Variants in HDAC4 observed in about 807,000 individuals in gnomAD.
HDAC4 encodes the protein histone deacetylase A.
Under a neutral mutation model 135.1 loss-of-function variants are expected in HDAC4, and 16 were observed. The observed-to-expected ratio is 0.12, with a 90% CI of 0.08 to 0.18. HDAC4 has a LOEUF of 0.18. Among genes scored for constraint, HDAC4 ranks in the 10% least tolerant of loss-of-function variants. The pLI is 1.00. For missense variants in HDAC4, 1,143 were observed against 1,511.8 expected (o/e 0.76, Z 4.05); for synonymous variants, 685 against 653.4 (o/e 1.05, Z -0.74).
intron 16 of HDAC4, among the ~76,000 whole-genome samples, chr2:239,098,002 C>T (rs551801032): frequency 6.6e-6 from 1 of 152,368 alleles, no homozygotes; most frequent in Admixed American, 6.5e-5. Flanking sequence ...TCACAGTAGA[C>T]ACACGTGTCC....
intron 2 of HDAC4, among the ~76,000 whole-genome samples, chr2:239,246,007 C>A (rs1203217539): frequency 2.6e-5 from 4 of 152,194 alleles, no homozygotes; most frequent in Non-Finnish European, 5.9e-5. Flanking sequence ...TGGCTGCCTG[C>A]GTCCAGTCCC....
intron 20 of HDAC4, among the ~76,000 whole-genome samples, chr2:239,083,807 G>A (rs1221996412): frequency 6.6e-6 from 1 of 152,162 alleles, no homozygotes; most frequent in Admixed American, 6.5e-5. Context: ...CCAGGGTGAG[G>A]GTCCTCCCAG....
intron 3 of HDAC4, among the ~76,000 whole-genome samples, chr2:239,235,364 G>C (rs1229190442): frequency 6.6e-6 from 1 of 152,230 alleles, no homozygotes; most frequent in African/African-American, 2.4e-5. Context: ...GTTCAGCCTG[G>C]CTTCAAGCTG....
chr2:239,369,095 G>A (rs1037719020), intron 1 of HDAC4, among the ~76,000 whole-genome samples: 1 of 152,146 alleles, frequency 6.6e-6, no homozygotes, highest in Non-Finnish European at 1.5e-5. Flanking sequence ...CGCCGGCAGG[G>A]AGGAATCCTC....
At chr2:239,348,471 T>C (rs538683479) in intron 2 of HDAC4, among the ~76,000 whole-genome samples, 1 of 152,156 alleles carries the variant, frequency 6.6e-6, no homozygotes, top group South Asian at 2.1e-4. Context: ...GTCACCAGTA[T>C]CCTAAGCCCT....
At chr2:239,067,876 G>A (rs904368347) in intron 23 of HDAC4, among the ~76,000 whole-genome samples, 2 of 152,212 alleles carry the variant, frequency 1.3e-5, no homozygotes, top group African/African-American at 4.8e-5. Context: ...CAGGATGCTT[G>A]GGCCTCGGGA....
rs1399317628 is a variant in HDAC4, at chr2:239,214,375, C to G, written c.94+22218G>C. Among the ~76,000 whole-genome samples, 5 of 152,238 alleles carry G rather than the reference C, an allele frequency of 3.3e-5. No individual in the cohort carries two copies. The East Asian group carries it at 9.6e-4, about 29-fold the overall frequency. On this transcript the variant is annotated intron_variant, in intron 3 of 26. Transcript: ENST00000543185. ...AACCCTCGTGAAGACAAAGGGCCCA[C>G]CCTGATGATCCAGGACAACCTCCTC...
At chr2:239,151,390 TCACCAAGCGGGACAGC>T (rs2042109393) in intron 7 of HDAC4, among the ~76,000 whole-genome samples, 1 of 152,148 alleles carries the variant, frequency 6.6e-6, no homozygotes, top group Non-Finnish European at 1.5e-5. Context: ...GTGCTCTTCC[TCACCAAGCGGGACAGC>T]TTCCCCCCAA....
chr2:239,126,318 G>C, intron 12 of HDAC4, 138 bp downstream of exon 12: 2 of 1,414,608 alleles, frequency 1.4e-6, no homozygotes, highest in Non-Finnish European at 1.9e-6. Context: ...GTGGGCCAGA[G>C]CATGTGCCTC....
At chr2:239,056,568 C>T (rs939614621) in intron 24 of HDAC4, among the ~76,000 whole-genome samples, 3 of 152,166 alleles carry the variant, frequency 2.0e-5, no homozygotes, top group East Asian at 3.9e-4. Flanking sequence ...AGGAGTTCAC[C>T]GGGATATGAA....
chr2:239,330,057 C>T (rs1183843228), intron 2 of HDAC4, among the ~76,000 whole-genome samples: 1 of 152,244 alleles, frequency 6.6e-6, no homozygotes, highest in Non-Finnish European at 1.5e-5. Flanking sequence ...CAAGCTGCTG[C>T]TGCAGAGGCT....
chr2:239,388,548 TG>T (rs1268048943), intron 1 of HDAC4, among the ~76,000 whole-genome samples: 2 of 152,192 alleles, frequency 1.3e-5, no homozygotes, highest in Non-Finnish European at 2.9e-5. Flanking sequence ...CTGGGTGACC[TG>T]GGTGCCTGGC....
chr2:239,082,780 C>T (rs1448375750), intron 20 of HDAC4, among the ~76,000 whole-genome samples: 5 of 152,222 alleles, frequency 3.3e-5, no homozygotes, highest in East Asian at 1.9e-4. Flanking sequence ...TGGCAAGCAC[C>T]GTTTCTTAAT....
chr2:239,350,026 T>C (rs1693010980), intron 2 of HDAC4, among the ~76,000 whole-genome samples: 1 of 152,080 alleles, frequency 6.6e-6, no homozygotes, highest in Non-Finnish European at 1.5e-5. Context: ...CGGCTGAAAT[T>C]CCCACAGAAA....
At chr2:239,101,961 G>C (rs2037693479) in intron 16 of HDAC4, among the ~76,000 whole-genome samples, 2 of 148,580 alleles carry the variant, frequency 1.3e-5, no homozygotes, top group Non-Finnish European at 3.0e-5. Context: ...CCAGGGTCTG[G>C]GTTCTGTGTC....
intron 1 of HDAC4, among the ~76,000 whole-genome samples, chr2:239,383,797 G>A (rs1695590011): frequency 6.6e-6 from 1 of 152,180 alleles, no homozygotes; most frequent in East Asian, 1.9e-4. Flanking sequence ...AACAGAGACT[G>A]GAAAGTGAGA....
intron 11 of HDAC4, among the ~76,000 whole-genome samples, chr2:239,133,259 GC>G (rs1398139915): frequency 6.6e-6 from 1 of 152,160 alleles, no homozygotes; most frequent in Non-Finnish European, 1.5e-5. Context: ...ACCCAAGCCA[GC>G]CCCTAGCCCC....
At chr2:239,254,490 A>C (rs2048951413) in intron 2 of HDAC4, among the ~76,000 whole-genome samples, 1 of 152,174 alleles carries the variant, frequency 6.6e-6, no homozygotes, top group Non-Finnish European at 1.5e-5. Context: ...GGAGATGAGA[A>C]GTTTTTAAAA....
chr2:239,196,712 G>A (rs990345981), intron 3 of HDAC4, among the ~76,000 whole-genome samples: 1 of 152,192 alleles, frequency 6.6e-6, no homozygotes, highest in African/African-American at 2.4e-5. Context: ...GTGGTCTGGG[G>A]GGTGAGCTGC....
Sources: gnomAD v4.1 joint callset for allele counts (sites outside exome capture counted in the v4.1 genomes callset) on GRCh38, gnomAD v4.1.1 for gene constraint, MANE v1.5 for transcripts, NCBI Gene and HGNC (gene_info 2026-07-23, HGNC 2026-07-21) for gene names.